Variants in LRCH1 observed in about 807,000 individuals in gnomAD.
LRCH1 encodes the protein leucine-rich repeat and calponin homology domain-containing protein 1.
Under a neutral mutation model 94.9 loss-of-function variants are expected in LRCH1, and 23 were observed. The observed-to-expected ratio is 0.24, with a 90% confidence interval of 0.17 to 0.34. LRCH1 has a LOEUF of 0.34. Among genes scored for constraint, LRCH1 ranks in the 10% least tolerant of loss-of-function variants. LRCH1 has a pLI of 1.00. For missense variants in LRCH1, 790 were observed against 945.9 expected, an observed-to-expected ratio of 0.84 and a Z score of 2.16; for synonymous variants, 364 against 354.9, an observed-to-expected ratio of 1.03 and a Z score of -0.29.
At chr13:46,657,604 A>T (rs2138093896) in intron 2 of LRCH1, among the ~76,000 whole-genome samples, 1 of 122,074 alleles carries the variant, frequency 8.2e-6, no homozygotes, top group African/African-American at 3.2e-5. Context: ...AGCTTACTGC[A>T]GCCTCGACCT....
chr13:46,727,088 T>C (rs951071969), intron 17 of LRCH1, among the ~76,000 whole-genome samples: 14 of 152,144 alleles, frequency 9.2e-5, no homozygotes. Flanking sequence ...CCAGCCATGA[T>C]GAAAATGCTT....
At chr13:46,612,990 TATG>T in intron 1 of LRCH1, among the ~76,000 whole-genome samples, 1 of 152,356 alleles carries the variant, frequency 6.6e-6, no homozygotes, top group South Asian at 2.1e-4. Context: ...TGATGAATAA[TATG>T]ATTTGTTGTA....
intron 1 of LRCH1, among the ~76,000 whole-genome samples, chr13:46,636,173 G>T (rs750902982): frequency 7.0e-6 from 1 of 142,444 alleles, no homozygotes; most frequent in Non-Finnish European, 1.5e-5. Context: ...GGGTTCAAGC[G>T]ATTCTCCTAC....
intron 2 of LRCH1, among the ~76,000 whole-genome samples, chr13:46,657,691 A>ACTTTTTTTTTTTTT (rs1422870831): frequency 4.6e-5 from 1 of 21,918 alleles, no homozygotes. Context: ...ATGCCCAGCT[A>ACTTTTTTTTTTTTT]ATTTTTTTTT....
In LRCH1 at chr13:46,603,750, G is replaced by C. The variant is rs539630169; in HGVS notation, c.308-46451G>C. 3.3e-5 allele frequency among the ~76,000 whole-genome samples: 5 copies of C among 152,256 alleles called. No homozygotes were observed. In the South Asian group the frequency reaches 1.0e-3, roughly 32 times the overall value. Reference sequence around the variant, plus strand: ...TGGCTTACTGCAGCCTCAATCTCCTGGGCTCAAGCGATCCTCCCACCTCAG... The same window carrying C: ...TGGCTTACTGCAGCCTCAATCTCCTCGGCTCAAGCGATCCTCCCACCTCAG... On this transcript the variant is annotated intron_variant, in intron 1 of 19. Coordinates refer to ENST00000389797, the MANE Select transcript of LRCH1 (RefSeq NM_001164211.2).
At chr13:46,691,818 T>C (rs1378419906) in intron 7 of LRCH1, among the ~76,000 whole-genome samples, 1 of 152,214 alleles carries the variant, frequency 6.6e-6, no homozygotes, top group African/African-American at 2.4e-5. Context: ...GCCTCCCTTA[T>C]AGCTAGGACT....
At chr13:46,684,208 T>G (rs1028021218) in intron 4 of LRCH1, among the ~76,000 whole-genome samples, 2 of 151,446 alleles carry the variant, frequency 1.3e-5, no homozygotes, top group Non-Finnish European at 2.9e-5. Context: ...GATTTGTTCT[T>G]CTGCTTCTTT....
intron 2 of LRCH1, 73 bp downstream of exon 2, chr13:46,650,418 T>A: frequency 7.7e-7 from 1 of 1,298,700 alleles, no homozygotes. Flanking sequence ...TTTCTATCCA[T>A]TTTTTCCCCT....
chr13:46,699,290 C>T (rs1871345494), intron 9 of LRCH1, 46 bp from the exon 10 acceptor site: 1 of 1,506,174 alleles, frequency 6.6e-7, no homozygotes, highest in Non-Finnish European at 9.2e-7. Flanking sequence ...CTCCTGACTA[C>T]TGAGTAGCCA....
chr13:46,697,860 G>A (rs992450971), intron 9 of LRCH1, among the ~76,000 whole-genome samples: 1 of 114,482 alleles, frequency 8.7e-6, no homozygotes, highest in South Asian at 3.3e-4. Flanking sequence ...AACCCAGTAC[G>A]CCTGTTTTGC....
exon 19 of LRCH1, chr13:46,752,651 GAGTTTAGCCTGCTGCACCTTC>G (rs1159985209): frequency 6.6e-6 from 1 of 152,152 alleles, no homozygotes; most frequent in Admixed American, 6.5e-5. Flanking sequence ...ATATAAGTAG[GAGTTTAGCCTGCTGCACCTTC>G]ACGGGCATTC....
chr13:46,713,511 GT>G (rs545784296), intron 15 of LRCH1, among the ~76,000 whole-genome samples: 1 of 152,248 alleles, frequency 6.6e-6, no homozygotes, highest in Non-Finnish European at 1.5e-5. Context: ...TAAAGGAAAT[GT>G]TTTTCATTCT....
chr13:46,646,878 C>T (rs984803754), intron 1 of LRCH1, among the ~76,000 whole-genome samples: 3 of 152,008 alleles, frequency 2.0e-5, no homozygotes, highest in African/African-American at 4.8e-5. Context: ...TTTGGGAGGT[C>T]GAGGTGGGCA....
At chr13:46,725,520 T>C (rs1433854158) in intron 17 of LRCH1, among the ~76,000 whole-genome samples, 1 of 152,046 alleles carries the variant, frequency 6.6e-6, no homozygotes, top group African/African-American at 2.4e-5. Context: ...TATAGTCTAT[T>C]GGGGAGAGAT....
chr13:46,727,533 C>T (rs1200610566), intron 17 of LRCH1, among the ~76,000 whole-genome samples: 2 of 152,204 alleles, frequency 1.3e-5, no homozygotes, highest in Non-Finnish European at 2.9e-5. Flanking sequence ...GACGGAGTCT[C>T]GCTTTATCAT....
intron 1 of LRCH1, among the ~76,000 whole-genome samples, chr13:46,638,776 C>G (rs2051123188): frequency 6.6e-6 from 1 of 152,152 alleles, no homozygotes; most frequent in Non-Finnish European, 1.5e-5. Flanking sequence ...GTTTGATATG[C>G]CACTAAAAGG....
intron 1 of LRCH1, among the ~76,000 whole-genome samples, chr13:46,596,900 A>G (rs944240601): frequency 1.3e-5 from 2 of 152,216 alleles, no homozygotes; most frequent in Admixed American, 6.5e-5. Flanking sequence ...TGCTCTATGT[A>G]TGTAGCTCAG....
At chr13:46,739,195 A>G (rs1264275478) in intron 19 of LRCH1, among the ~76,000 whole-genome samples, 1 of 152,166 alleles carries the variant, frequency 6.6e-6, no homozygotes, top group African/African-American at 2.4e-5. Flanking sequence ...TTCTCTTTGT[A>G]TCCATAGTAT....
At chr13:46,729,527 G>C (rs1237778201) in intron 18 of LRCH1, among the ~76,000 whole-genome samples, 1 of 143,226 alleles carries the variant, frequency 7.0e-6, no homozygotes, top group Non-Finnish European at 1.5e-5. Context: ...ACTCCAGCCT[G>C]GAGACAGAGT....
Sources: gnomAD v4.1 joint callset for allele counts (sites outside exome capture counted in the v4.1 genomes callset) on GRCh38, gnomAD v4.1.1 for gene constraint, MANE v1.5 for transcripts, NCBI Gene and HGNC (gene_info 2026-07-23, HGNC 2026-07-21) for gene names.